Variants in RARB observed in about 807,000 individuals in gnomAD.
RARB encodes the protein HBV-activated protein.
A neutral mutation model predicts 51.9 loss-of-function variants in RARB; 17 were observed. That is an observed-to-expected ratio of 0.33 (90% CI 0.22 to 0.49). RARB has a LOEUF of 0.49. RARB is among the 20% of genes least tolerant of loss of function. The pLI, the probability that RARB is intolerant of heterozygous loss-of-function variation, is 0.99. For missense variants in RARB, 369 were observed against 550.8 expected, an observed-to-expected ratio of 0.67 and a Z score of 3.30; for synonymous variants, 215 against 195.4, an observed-to-expected ratio of 1.10 and a Z score of -0.84.
chr3:25,587,238 A>T (rs529189860), intron 5 of RARB, among the ~76,000 whole-genome samples: 28 of 152,310 alleles, frequency 1.8e-4, no homozygotes, highest in African/African-American at 6.7e-4. Flanking sequence ...GAGTAAGCCT[A>T]GGCTGCCTTT....
At chr3:25,578,225 C>T (rs1024863395) in intron 4 of RARB, among the ~76,000 whole-genome samples, 2 of 152,226 alleles carry the variant, frequency 1.3e-5, no homozygotes, top group Admixed American at 1.3e-4. Context: ...ATATATAAGC[C>T]ATTTGAAGCC....
At chr3:25,574,028 G>A (rs535869768) in intron 4 of RARB, among the ~76,000 whole-genome samples, 2 of 152,124 alleles carry the variant, frequency 1.3e-5, no homozygotes, top group Non-Finnish European at 1.5e-5. Flanking sequence ...ATGACCCTCC[G>A]CCGCCATAAA....
chr3:25,111,583 G>GTTTTTTTTTTTTTTTTTTTTTT (rs370598264), intron 3 of RARB, among the ~76,000 whole-genome samples: 1 of 120,866 alleles, frequency 8.3e-6, no homozygotes, highest in African/African-American at 3.1e-5. Context: ...TCTAACAGTG[G>GTTTTTTTTTTTTTTTTTTTTTT]TTTTTTTTTT....
chr3:25,333,977 G>A (rs1450473952), intron 5 of RARB, among the ~76,000 whole-genome samples: 1 of 152,146 alleles, frequency 6.6e-6, no homozygotes, highest in Admixed American at 6.5e-5. Flanking sequence ...ACCACAATGA[G>A]ATACCATCTC....
chr3:24,855,634 A>G (rs1057428955), intron 1 of RARB, among the ~76,000 whole-genome samples: 2 of 152,182 alleles, frequency 1.3e-5, no homozygotes, highest in Admixed American at 6.5e-5. Context: ...ATCATAAGAC[A>G]TAATCAATAC....
At chr3:25,582,094 G>A (rs970088512) in intron 5 of RARB, among the ~76,000 whole-genome samples, 28 of 152,148 alleles carry the variant, frequency 1.8e-4, no homozygotes, top group Admixed American at 5.9e-4. Context: ...GGAGCCCTTA[G>A]GGATAGCAGA....
At chr3:25,442,996 G>A (rs1011848177) in intron 1 of RARB, among the ~76,000 whole-genome samples, 1 of 152,048 alleles carries the variant, frequency 6.6e-6, no homozygotes, top group African/African-American at 2.4e-5. Context: ...ATATTCTATG[G>A]AAGCCTCAGT....
intron 5 of RARB, among the ~76,000 whole-genome samples, chr3:25,194,766 C>T (rs1258264175): frequency 2.6e-5 from 4 of 151,662 alleles, no homozygotes; most frequent in Non-Finnish European, 5.9e-5. Context: ...TAACACAATG[C>T]TGCTTTTATT....
At chr3:25,154,089 T>C (rs558759051) in intron 4 of RARB, among the ~76,000 whole-genome samples, 5 of 152,342 alleles carry the variant, frequency 3.3e-5, no homozygotes, top group Non-Finnish European at 7.3e-5. Flanking sequence ...CTTCTATGAT[T>C]ATGTGGATTT....
intron 2 of RARB, among the ~76,000 whole-genome samples, chr3:24,957,846 A>G (rs530416765): frequency 3.3e-5 from 5 of 152,322 alleles, no homozygotes; most frequent in African/African-American, 1.2e-4. Context: ...TATCTCCAGT[A>G]TAATCACAGC....
chr3:24,966,940 T>C (rs115537994), intron 2 of RARB, among the ~76,000 whole-genome samples: 142 of 152,296 alleles, frequency 9.3e-4, no homozygotes, highest in African/African-American at 3.2e-3. Flanking sequence ...TCATTTTCCA[T>C]ACTTGGCTCG....
chr3:24,986,375 C>A (rs1419506054), intron 2 of RARB, among the ~76,000 whole-genome samples: 1 of 152,134 alleles, frequency 6.6e-6, no homozygotes, highest in African/African-American at 2.4e-5. Context: ...CAGTATCAGG[C>A]AGACATAGAT....
At chr3:25,367,676 A>G (rs1439657659) in intron 5 of RARB, among the ~76,000 whole-genome samples, 1 of 150,980 alleles carries the variant, frequency 6.6e-6, no homozygotes, top group Non-Finnish European at 1.5e-5. Flanking sequence ...AAATACCAAA[A>G]TTAGCCGCAT....
chr3:25,157,095 T>C (rs1405236076), intron 4 of RARB, among the ~76,000 whole-genome samples: 1 of 152,238 alleles, frequency 6.6e-6, no homozygotes, highest in East Asian at 1.9e-4. Flanking sequence ...TGTGTATGCA[T>C]GTAAACATAC....
chr3:25,292,186 A>G (rs1393077035), intron 5 of RARB, among the ~76,000 whole-genome samples: 1 of 152,148 alleles, frequency 6.6e-6, no homozygotes, highest in Non-Finnish European at 1.5e-5. Context: ...TTGACAAATT[A>G]ACAAAAATAC....
chr3:25,428,449 A>C lies in RARB; in HGVS notation c.-283A>C, dbSNP rs1404854406. 1.6e-6 allele frequency: 2 copies of C among 1,262,972 alleles called. No homozygotes were observed. Among genetic ancestry groups the C allele is most frequent in the Non-Finnish European group, 2.0e-6 (2 of 1,005,800 alleles). 78.2% of individuals were successfully genotyped at this position (1,262,972 alleles called of 1,614,324 possible). A position where few individuals can be genotyped will look rare whatever the true frequency, so the allele number is the denominator to read the frequency against. ...GGAACGCATTCGGAAGGCTTTTTGC[A>C]AGCATTTACTTGGAAGGAGAACTTG... On this transcript the variant is annotated 5_prime_UTR_variant, in exon 1 of 8. Transcript: ENST00000330688.
At chr3:24,985,472 C>T (rs1266028036) in intron 2 of RARB, among the ~76,000 whole-genome samples, 5 of 151,508 alleles carry the variant, frequency 3.3e-5, no homozygotes, top group African/African-American at 1.2e-4. Context: ...ATCTTTGCTA[C>T]AGTATTTAGT....
At chr3:25,455,775 G>A (rs544790421) in intron 1 of RARB, among the ~76,000 whole-genome samples, 57 of 152,220 alleles carry the variant, frequency 3.7e-4, no homozygotes, top group Admixed American at 5.9e-4. Context: ...AAGCAGGGAA[G>A]CCCATCTGGT....
chr3:24,957,604 C>G (rs1422169959), intron 2 of RARB, among the ~76,000 whole-genome samples: 1 of 152,182 alleles, frequency 6.6e-6, no homozygotes, highest in African/African-American at 2.4e-5. Flanking sequence ...ACATTGTTAT[C>G]CAGATGCTTT....
Sources: gnomAD v4.1 joint callset for allele counts (sites outside exome capture counted in the v4.1 genomes callset) on GRCh38, gnomAD v4.1.1 for gene constraint, MANE v1.5 for transcripts, NCBI Gene and HGNC (gene_info 2026-07-23, HGNC 2026-07-21) for gene names.